The following ELMO1 variants were observed in gnomAD, a reference collection of about 807,000 sequenced individuals.
ELMO1 encodes the protein engulfment and cell motility 1, also known as engulfment and cell motility protein 1.
ELMO1 carries 26 observed loss-of-function variants against 98.9 expected under a neutral mutation model. The ratio of observed to expected loss-of-function variants is 0.26; its 90% CI spans 0.19 to 0.36. The LOEUF is 0.36. Among genes scored for constraint, ELMO1 ranks in the 10% least tolerant of loss-of-function variants. The pLI is 1.00. For synonymous variants in ELMO1, 346 were observed against 346.0 expected, an observed-to-expected ratio of 1.00 and a Z score of 0.00; for missense variants, 627 against 935.2, an observed-to-expected ratio of 0.67 and a Z score of 4.30.
chr7:37,040,110 T>C (rs527695205), intron 15 of ELMO1, among the ~76,000 whole-genome samples: 33 of 151,970 alleles, frequency 2.2e-4, no homozygotes, highest in African/African-American at 7.3e-4. Flanking sequence ...AGGAATTAAA[T>C]TGAATTTTAA....
At chr7:37,101,021 T>C (rs1200368838) in intron 14 of ELMO1, among the ~76,000 whole-genome samples, 5 of 152,192 alleles carry the variant, frequency 3.3e-5, no homozygotes, top group African/African-American at 1.2e-4. Context: ...TTTTATCTCT[T>C]TATTGTGCTC....
At chr7:37,165,136 T>A (rs1014647972) in intron 13 of ELMO1, among the ~76,000 whole-genome samples, 11 of 152,240 alleles carry the variant, frequency 7.2e-5, no homozygotes, top group African/African-American at 2.4e-4. Flanking sequence ...GGCTCTCTGT[T>A]CGTCTGTTAT....
chr7:36,893,255 T>A (rs1805711420), intron 17 of ELMO1, among the ~76,000 whole-genome samples: 1 of 152,206 alleles, frequency 6.6e-6, no homozygotes, highest in Non-Finnish European at 1.5e-5. Flanking sequence ...GGCCCTGGGA[T>A]GGGGCAAGGA....
intron 13 of ELMO1, among the ~76,000 whole-genome samples, chr7:37,193,601 C>T (rs546061572): frequency 1.3e-4 from 20 of 152,250 alleles, no homozygotes; most frequent in African/African-American, 4.8e-4. Flanking sequence ...CCTTCCGCAG[C>T]ACACTCATAC....
At chr7:37,283,308 A>G (rs1797232983) in intron 4 of ELMO1, among the ~76,000 whole-genome samples, 1 of 152,330 alleles carries the variant, frequency 6.6e-6, no homozygotes, top group African/African-American at 2.4e-5. Flanking sequence ...CTCAAAAAAA[A>G]GATTAAATTT....
intron 15 of ELMO1, among the ~76,000 whole-genome samples, chr7:37,075,338 G>A (rs990919920): frequency 2.0e-5 from 3 of 148,468 alleles, no homozygotes; most frequent in Admixed American, 6.7e-5. Context: ...TGTATTTTTA[G>A]TAGAGACGGG....
intron 1 of ELMO1, among the ~76,000 whole-genome samples, chr7:37,412,148 A>T (rs1243217650): frequency 6.6e-6 from 1 of 152,252 alleles, no homozygotes; most frequent in Non-Finnish European, 1.5e-5. Context: ...AATAATTCTT[A>T]CAATTATATT....
Position 36,871,373 on chromosome 7 carries a change from A to C in ELMO1, c.1823-898T>G, listed in dbSNP as rs531087677. Among the ~76,000 whole-genome samples, 16 of 152,342 alleles carry C rather than the reference A, an allele frequency of 1.1e-4. 1 individual carries two copies. The highest frequency in any genetic ancestry group is 1.0e-3 in the Admixed American group (16 of 15,304). The stretch of plus-strand genomic sequence containing the variant: ...CAACATAGGGAGACCCTGTCTCTAC[A>C]AACAATGAAATGAAAATAAAAAATT... On this transcript the variant is annotated intron_variant, in intron 19 of 21. Coordinates refer to ENST00000310758, the MANE Select transcript of ELMO1 (RefSeq NM_014800.11).
intron 6 of ELMO1, among the ~76,000 whole-genome samples, chr7:37,251,233 T>G (rs567282821): frequency 6.6e-6 from 1 of 152,234 alleles, no homozygotes; most frequent in East Asian, 1.9e-4. Flanking sequence ...GATATTTGTT[T>G]CTGGAAACAC....
chr7:37,188,465 C>CAG, intron 13 of ELMO1, among the ~76,000 whole-genome samples: 1 of 101,670 alleles, frequency 9.8e-6, no homozygotes, highest in African/African-American at 4.9e-5. Context: ...AACACACACA[C>CAG]ACACAGGCCA....
chr7:37,185,215 A>G (rs1029368742), intron 13 of ELMO1, among the ~76,000 whole-genome samples: 1 of 152,236 alleles, frequency 6.6e-6, no homozygotes, highest in African/African-American at 2.4e-5. Flanking sequence ...AGCTAGCTAG[A>G]GTTTTAAATT....
intron 16 of ELMO1, among the ~76,000 whole-genome samples, chr7:36,970,033 T>C (rs184000810): frequency 2.4e-4 from 36 of 152,238 alleles, no homozygotes; most frequent in African/African-American, 8.7e-4. Context: ...TAAAGAATAC[T>C]ATACTAAAAA....
chr7:36,939,831 C>T (rs867133111), intron 16 of ELMO1, among the ~76,000 whole-genome samples: 1 of 152,218 alleles, frequency 6.6e-6, no homozygotes, highest in Non-Finnish European at 1.5e-5. Context: ...CGGAGGCATG[C>T]GTGGAGTGGC....
intron 14 of ELMO1, among the ~76,000 whole-genome samples, chr7:37,103,199 T>C (rs571071400): frequency 1.3e-5 from 2 of 152,320 alleles, no homozygotes; most frequent in South Asian, 2.1e-4. Flanking sequence ...GTATTACTAT[T>C]TGCATTTCTG....
At chr7:36,897,633 T>C (rs1806148440) in intron 16 of ELMO1, among the ~76,000 whole-genome samples, 1 of 152,150 alleles carries the variant, frequency 6.6e-6, no homozygotes, top group South Asian at 2.1e-4. Context: ...AAAAATCGCC[T>C]GCATTTACAG....
chr7:37,133,208 G>A lies in ELMO1; in HGVS notation c.1113C>T (p.Phe371=). 6.2e-7 allele frequency: 1 copy of A among 1,612,118 alleles called. No homozygotes were observed. Among genetic ancestry groups the A allele is most frequent in the Non-Finnish European group, 8.5e-7 (1 of 1,179,144 alleles). ...FINHVNPAMD[F]TQTPPGMLAL... ...CCAACATCCCAGGTGGAGTCTGCGTGAAGTCCATGGCAGGGTTGACATGAT... is the reference window on the plus strand; with the variant it reads ...CCAACATCCCAGGTGGAGTCTGCGTAAAGTCCATGGCAGGGTTGACATGAT... Residue 371 remains phenylalanine (F), a synonymous_variant, in exon 14 of 22, where the codon TTC becomes TTT. Transcript: ENST00000310758.
chr7:37,331,441 C>G (rs1800117138), intron 2 of ELMO1, among the ~76,000 whole-genome samples: 1 of 150,162 alleles, frequency 6.7e-6, no homozygotes, highest in Non-Finnish European at 1.5e-5. Flanking sequence ...CTCAGCCTCC[C>G]AAAGGGCTGA....
At chr7:37,050,198 C>A (rs917765588) in intron 15 of ELMO1, among the ~76,000 whole-genome samples, 8 of 152,136 alleles carry the variant, frequency 5.3e-5, no homozygotes, top group African/African-American at 1.9e-4. Flanking sequence ...GGTGCCCCAA[C>A]CTCCCAAGTA....
intron 19 of ELMO1, among the ~76,000 whole-genome samples, chr7:36,871,948 C>T (rs561151577): frequency 1.3e-5 from 2 of 152,280 alleles, no homozygotes; most frequent in Admixed American, 6.5e-5. Flanking sequence ...GATGAGTCTT[C>T]CAGGAATCTC....
Sources: gnomAD v4.1 joint callset for allele counts (sites outside exome capture counted in the v4.1 genomes callset) on GRCh38, gnomAD v4.1.1 for gene constraint, MANE v1.5 for transcripts, NCBI Gene and HGNC (gene_info 2026-07-23, HGNC 2026-07-21) for gene names.